The following ZNF423 variants were observed in gnomAD, a reference collection of about 807,000 sequenced individuals.
ZNF423 encodes the protein zinc finger protein 423, also known as Ebf-associated zinc finger protein.
ZNF423 carries 12 observed loss-of-function variants against 95.8 expected under a neutral mutation model. That is an observed-to-expected ratio of 0.13 (90% CI 0.08 to 0.20). The LOEUF (loss-of-function observed/expected upper bound fraction) is 0.20. Among genes scored for constraint, ZNF423 ranks in the 10% least tolerant of loss-of-function variants. The probability of loss-of-function intolerance (pLI) is 1.00; values close to 1 mark genes in which losing one functional copy is unlikely to be tolerated. For missense variants in ZNF423, 1,316 were observed against 1,737.1 expected (o/e 0.76, Z 4.31); for synonymous variants, 749 against 711.9 (o/e 1.05, Z -0.83).
intron 7 of ZNF423, chr16:49,518,507 C>A (rs1328873355): frequency 2.3e-6 from 1 of 438,678 alleles, no homozygotes; most frequent in Non-Finnish European, 4.5e-6. Flanking sequence ...TCCTTTAAAG[C>A]AATATCTAGT....
intron 1 of ZNF423, among the ~76,000 whole-genome samples, chr16:49,805,616 G>A (rs1395471495): frequency 1.3e-5 from 2 of 152,174 alleles, no homozygotes; most frequent in Non-Finnish European, 2.9e-5. Flanking sequence ...CGCCAGGCAG[G>A]TAAGGGTTGA....
chr16:49,601,342 T>A (rs1232008526), intron 5 of ZNF423, among the ~76,000 whole-genome samples: 1 of 152,222 alleles, frequency 6.6e-6, no homozygotes, highest in East Asian at 1.9e-4. Flanking sequence ...ATGGAGAGAA[T>A]AGGGGTATCC....
At chr16:49,622,530 G>A (rs992855971) in intron 5 of ZNF423, among the ~76,000 whole-genome samples, 1 of 152,224 alleles carries the variant, frequency 6.6e-6, no homozygotes, top group Admixed American at 6.5e-5. Flanking sequence ...TCTCTCCGAA[G>A]GCAACGTCCC....
intron 1 of ZNF423, among the ~76,000 whole-genome samples, chr16:49,806,899 C>T (rs1192244428): frequency 2.6e-5 from 4 of 151,854 alleles, no homozygotes; most frequent in Non-Finnish European, 4.4e-5. Context: ...TGGTAGCGCA[C>T]GTCTGTAATC....
intron 5 of ZNF423, among the ~76,000 whole-genome samples, chr16:49,588,332 G>A (rs1056655109): frequency 4.2e-4 from 64 of 152,178 alleles, no homozygotes; most frequent in African/African-American, 1.4e-3. Flanking sequence ...CACTGGGGGC[G>A]TCTGTCCAGA....
At chr16:49,526,597 C>A (rs530794881) in intron 5 of ZNF423, among the ~76,000 whole-genome samples, 2 of 152,162 alleles carry the variant, frequency 1.3e-5, no homozygotes, top group Non-Finnish European at 1.5e-5. Flanking sequence ...CCCTGCTTCC[C>A]GGGCTGCAGG....
At chr16:49,752,211 G>A (rs1214801911) in intron 2 of ZNF423, among the ~76,000 whole-genome samples, 2 of 152,252 alleles carry the variant, frequency 1.3e-5, no homozygotes, top group African/African-American at 2.4e-5. Context: ...TTGCAAACAG[G>A]TGGCCTGATG....
chr16:49,747,635 G>A (rs937207362), intron 2 of ZNF423, among the ~76,000 whole-genome samples: 1 of 140,308 alleles, frequency 7.1e-6, no homozygotes, highest in Non-Finnish European at 1.5e-5. Context: ...ATTCTCTTCT[G>A]TTTATCTGAG....
intron 3 of ZNF423, among the ~76,000 whole-genome samples, chr16:49,706,935 C>T (rs1347464478): frequency 6.6e-6 from 1 of 152,194 alleles, no homozygotes; most frequent in African/African-American, 2.4e-5. Context: ...AACAAACCCC[C>T]AGGACAACCC....
intron 7 of ZNF423, among the ~76,000 whole-genome samples, chr16:49,502,951 C>T (rs1413148127): frequency 5.3e-5 from 8 of 149,718 alleles, no homozygotes; most frequent in East Asian, 2.0e-4. Context: ...CACATGGATG[C>T]CCCACAATCC....
intron 2 of ZNF423, among the ~76,000 whole-genome samples, chr16:49,752,302 C>A (rs2033647716): frequency 6.6e-6 from 1 of 152,258 alleles, no homozygotes; most frequent in East Asian, 1.9e-4. Flanking sequence ...GGCCCTCCCC[C>A]ACCCCACATG....
At chr16:49,791,662 A>T (rs761357776) in intron 1 of ZNF423, among the ~76,000 whole-genome samples, 25 of 152,176 alleles carry the variant, frequency 1.6e-4, no homozygotes, top group Non-Finnish European at 3.1e-4. Flanking sequence ...TGAAAGAAAA[A>T]GCACAAAAAA....
intron 2 of ZNF423, among the ~76,000 whole-genome samples, chr16:49,782,812 T>C (rs1338061645): frequency 6.6e-6 from 1 of 151,928 alleles, no homozygotes; most frequent in Non-Finnish European, 1.5e-5. Context: ...ACTAGACAAT[T>C]ACATAAAAAT....
At chr16:49,811,066 C>T (rs889912670) in intron 1 of ZNF423, among the ~76,000 whole-genome samples, 6 of 152,186 alleles carry the variant, frequency 3.9e-5, no homozygotes, top group Non-Finnish European at 7.3e-5. Context: ...CTTCAGGCAT[C>T]TGAAGGGCTG....
At chr16:49,626,657 A>G (rs1972282906) in intron 4 of ZNF423, among the ~76,000 whole-genome samples, 1 of 150,406 alleles carries the variant, frequency 6.6e-6, no homozygotes, top group Non-Finnish European at 1.5e-5. Flanking sequence ...ATCCATTTAC[A>G]TACACACCCA....
intron 2 of ZNF423, among the ~76,000 whole-genome samples, chr16:49,739,038 T>C (rs970454595): frequency 6.6e-6 from 1 of 151,816 alleles, no homozygotes; most frequent in African/African-American, 2.4e-5. Context: ...CTGTCGGGGA[T>C]GACAGAGAAA....
At chr16:49,782,420 GGA>G (rs2034227042) in intron 2 of ZNF423, among the ~76,000 whole-genome samples, 3 of 152,202 alleles carry the variant, frequency 2.0e-5, no homozygotes, top group African/African-American at 7.2e-5. Flanking sequence ...CTCGTAAATG[GGA>G]GTGACGGTTC....
chr16:49,600,873 C>T (rs1033019693), intron 5 of ZNF423, among the ~76,000 whole-genome samples: 1 of 152,192 alleles, frequency 6.6e-6, no homozygotes, highest in Non-Finnish European at 1.5e-5. Context: ...TCCGGCCCGG[C>T]CGGCGGCCTC....
chr16:49,816,070 C>T (rs1443157306), intron 1 of ZNF423, among the ~76,000 whole-genome samples: 3 of 151,196 alleles, frequency 2.0e-5, no homozygotes. Flanking sequence ...AAGCGCCCGC[C>T]ACTACGCCGG....
Sources: allele counts gnomAD v4.1 joint callset (sites outside exome capture counted in the v4.1 genomes callset), GRCh38; gene constraint gnomAD v4.1.1; transcripts MANE v1.5; gene names NCBI Gene and HGNC (gene_info 2026-07-23, HGNC 2026-07-21).